POC5: variants seen among roughly 807,000 people sequenced by gnomAD.
POC5 encodes centrosomal protein POC5.
Under a neutral mutation model 62.9 loss-of-function variants are expected in POC5, and 48 were observed. That is an observed-to-expected ratio of 0.76 (90% CI 0.61 to 0.97). The LOEUF is 0.97. Among genes scored for constraint, POC5 ranks in the 50% least tolerant of loss-of-function variants. The pLI is 0.00. For missense variants in POC5, 696 were observed against 679.5 expected (o/e 1.02, Z -0.27); for synonymous variants, 236 against 228.2 (o/e 1.03, Z -0.31).
chr5:75,709,315 T>C (rs138685964), intron 2 of POC5, among the ~76,000 whole-genome samples: 2 of 152,348 alleles, frequency 1.3e-5, no homozygotes, highest in Non-Finnish European at 2.9e-5. Flanking sequence ...GTTAGTGATG[T>C]CACCTTCATG....
chr5:75,706,200 T>C (rs1286628363), intron 3 of POC5, among the ~76,000 whole-genome samples: 1 of 152,204 alleles, frequency 6.6e-6, no homozygotes, highest in Non-Finnish European at 1.5e-5. Flanking sequence ...TTGCTTCCAC[T>C]TCAGGAACCT....
intron 10 of POC5, 88 bp from the exon 11 acceptor site, chr5:75,678,038 C>T (rs906070245): frequency 3.7e-6 from 4 of 1,078,086 alleles, no homozygotes; most frequent in Non-Finnish European, 5.0e-6. Flanking sequence ...GAAGAATACA[C>T]AGGCACTTAA....
At chr5:75,696,280 A>T (rs1480942752) in intron 5 of POC5, among the ~76,000 whole-genome samples, 1 of 152,166 alleles carries the variant, frequency 6.6e-6, no homozygotes, top group African/African-American at 2.4e-5. Context: ...AAACAAAAAG[A>T]CAGCAGTAAC....
intron 2 of POC5, among the ~76,000 whole-genome samples, chr5:75,710,819 T>C (rs999063505): frequency 6.6e-6 from 1 of 152,154 alleles, no homozygotes; most frequent in Admixed American, 6.5e-5. Context: ...TTTAGCCAAG[T>C]CAGCTCTACT....
intron 2 of POC5, among the ~76,000 whole-genome samples, chr5:75,708,803 G>A (rs145845707): frequency 3.3e-5 from 5 of 152,098 alleles, no homozygotes; most frequent in African/African-American, 9.6e-5. Context: ...CCTGGTTTGC[G>A]CTTCAACCTT....
chr5:75,694,655 C>A lies in POC5; in HGVS notation c.690G>T (p.Glu230Asp). The A allele has an allele frequency of 1.3e-6, 2 of 1,504,154 alleles. No homozygotes were observed. The highest frequency in any genetic ancestry group is 1.3e-5 in the South Asian group (1 of 74,110). The allele number at this position is 1,504,154 out of a possible 1,614,324, so 93.2% of individuals were successfully genotyped here. A position where few individuals can be genotyped will look rare whatever the true frequency, so the allele number is the denominator to read the frequency against. ...TAAAAAGAAATATAAAAAAGAAGAC[C>A]TCATCTTTTCTCCCAATGGAGATTT... ...TFEISIGRKD[E>D]VISSLSHAIG... The change falls in exon 6 of 12, where the codon GAG becomes GAT. Residue 230 changes from glutamate to aspartate, a missense_variant and splice_region_variant. Physicochemically the swap from Glu to Asp is conservative, Grantham distance 45. Transcript: ENST00000428202.
At chr5:75,676,497 A>C (rs1391969453) in intron 11 of POC5, among the ~76,000 whole-genome samples, 1 of 152,160 alleles carries the variant, frequency 6.6e-6, no homozygotes, top group Non-Finnish European at 1.5e-5. Flanking sequence ...AGTTCAGTTC[A>C]AATCAATCCA....
At chr5:75,690,264 T>C in intron 8 of POC5, 119 bp downstream of exon 8, 2 of 927,710 alleles carry the variant, frequency 2.2e-6, no homozygotes, top group Non-Finnish European at 3.1e-6. Context: ...ATAAACGTTT[T>C]CATTTTTTTG....
At chr5:75,709,242 A>T (rs1007868658) in intron 2 of POC5, among the ~76,000 whole-genome samples, 1 of 152,226 alleles carries the variant, frequency 6.6e-6, no homozygotes, top group African/African-American at 2.4e-5. Flanking sequence ...AGATATTTCA[A>T]AGAGAAAATC....
At chr5:75,701,778 A>G (rs913609659) in intron 5 of POC5, among the ~76,000 whole-genome samples, 30 of 152,158 alleles carry the variant, frequency 2.0e-4, no homozygotes, top group Admixed American at 6.5e-4. Flanking sequence ...TTTCTGCAAT[A>G]CTTTGTTTTA....
chr5:75,691,172 T>C (rs1242782991), intron 7 of POC5, among the ~76,000 whole-genome samples: 1 of 152,212 alleles, frequency 6.6e-6, no homozygotes, highest in African/African-American at 2.4e-5. Context: ...CCTCAACTAT[T>C]CTGGCTAACA....
At position 75,674,440 on chromosome 5, in the gene POC5, C is replaced by A. The variant is rs1043486315; in HGVS notation, c.1723G>T (p.Asp575Tyr). 2 of 1,613,688 alleles carry A rather than the reference C, an allele frequency of 1.2e-6. No individual in the cohort carries two copies. The highest frequency in any genetic ancestry group is 1.3e-5 in the African/African-American group (1 of 74,924). Residue 575 changes from aspartate to tyrosine, a missense_variant, in exon 12 of 12, where the codon GAC becomes TAC. Asp to Tyr is a radical substitution (Grantham distance 160, BLOSUM62 -3). Transcript: ENST00000428202. ...LTSVHSIKVV[D>Y] ...CCACTATGGACATATTCACTTTAGT[C>A]AACCACTTTTATGGAATGAACACTT...
chr5:75,701,506 T>A (rs1776879708), intron 5 of POC5, among the ~76,000 whole-genome samples: 1 of 135,826 alleles, frequency 7.4e-6, no homozygotes, highest in African/African-American at 2.7e-5. Flanking sequence ...CACTGATAGG[T>A]GGGAATTGAA....
rs761977671 is a variant in POC5 at position 75,692,476 on chromosome 5, T to A, written c.715A>T (p.Ile239Leu). ...DEVISSLSHA[I>L]GKQKEKIELM... Reference sequence around the variant, plus strand: ...TCTATCTTTTCCTTTTGCTTGCCTATGGCATGAGACAAGCTAGAAATCACC... The same window carrying A: ...TCTATCTTTTCCTTTTGCTTGCCTAAGGCATGAGACAAGCTAGAAATCACC... The change falls in exon 7 of 12, where the codon ATA (isoleucine) becomes TTA (leucine). Residue 239 changes from isoleucine (I) to leucine (L), a missense_variant. By Grantham distance (5) the Ile-to-Leu change is conservative. Coordinates refer to ENST00000428202, the MANE Select transcript of POC5 (RefSeq NM_001099271.2). The A allele has an allele frequency of 6.2e-7, 1 of 1,603,558 alleles. No homozygotes were observed. The highest frequency in any genetic ancestry group is 8.5e-7 in the Non-Finnish European group (1 of 1,174,822).
At chr5:75,682,371 GATGA>G (rs2112086451) in intron 10 of POC5, among the ~76,000 whole-genome samples, 1 of 152,328 alleles carries the variant, frequency 6.6e-6, no homozygotes, top group South Asian at 2.1e-4. Flanking sequence ...GCATATGCAA[GATGA>G]ATGAGAAACC....
At chr5:75,710,361 C>T (rs1441101849) in intron 2 of POC5, among the ~76,000 whole-genome samples, 1 of 152,076 alleles carries the variant, frequency 6.6e-6, no homozygotes, top group African/African-American at 2.4e-5. Context: ...GTTTGTGTCC[C>T]CTCAAAATTC....
chr5:75,674,331 T>A lies in POC5; in HGVS notation c.*104A>T. On this transcript the variant is annotated 3_prime_UTR_variant, in exon 12 of 12. Coordinates refer to ENST00000428202, the MANE Select transcript of POC5 (RefSeq NM_001099271.2). The stretch of plus-strand genomic sequence containing the variant: ...TGTAATTTTGAACAGATGAACATGA[T>A]GTCTCCATGATGTTCTAACAATATG... 2.6e-6 allele frequency: 3 copies of A among 1,168,946 alleles called. No individual in the cohort carries two copies. The highest frequency in any genetic ancestry group is 3.6e-6 in the Non-Finnish European group (3 of 844,536). 72.4% of individuals were successfully genotyped at this position (1,168,946 alleles called of 1,614,324 possible).
chr5:75,698,436 T>C (rs964637219), intron 5 of POC5, among the ~76,000 whole-genome samples: 2 of 152,012 alleles, frequency 1.3e-5, no homozygotes, highest in African/African-American at 4.8e-5. Context: ...CTCAACTGCA[T>C]GGAAACTGAA....
chr5:75,688,796 G>A (rs982770426), intron 9 of POC5, among the ~76,000 whole-genome samples: 1 of 152,144 alleles, frequency 6.6e-6, no homozygotes, highest in Non-Finnish European at 1.5e-5. Flanking sequence ...GAGTGACAGT[G>A]TACTTGATCA....
Sources: gnomAD v4.1 joint callset for allele counts (sites outside exome capture counted in the v4.1 genomes callset) on GRCh38, gnomAD v4.1.1 for gene constraint, MANE v1.5 for transcripts, NCBI Gene and HGNC (gene_info 2026-07-23, HGNC 2026-07-21) for gene names.